The following MYCT1 variants were observed in gnomAD, a reference collection of about 807,000 sequenced individuals.
MYCT1 encodes myc target protein 1.
Under a neutral mutation model 15.0 loss-of-function variants are expected in MYCT1, and 12 were observed. The ratio of observed to expected loss-of-function variants is 0.80; its 90% CI spans 0.51 to 1.29. The LOEUF (loss-of-function observed/expected upper bound fraction) is 1.29, where lower values mean the gene tolerates loss of function less well. MYCT1 is among the 50% of genes most tolerant of loss of function. The pLI is 0.00. For synonymous variants in MYCT1, 104 were observed against 102.7 expected, an observed-to-expected ratio of 1.01 and a Z score of -0.07; for missense variants, 287 against 279.1, an observed-to-expected ratio of 1.03 and a Z score of -0.20.
chr6:152,715,163 G>T (rs1318713199), intron 1 of MYCT1, among the ~76,000 whole-genome samples: 1 of 152,058 alleles, frequency 6.6e-6, no homozygotes, highest in Non-Finnish European at 1.5e-5. Context: ...CCTGGAATTT[G>T]CTCCTTTGAT....
At position 152,722,663 on chromosome 6, in the gene MYCT1, ATCT is replaced by A. The variant is rs1439802014; in HGVS notation, c.*414_*416del. On this transcript the variant is annotated 3_prime_UTR_variant, in exon 2 of 2. Transcript: ENST00000367245. Reference sequence around the variant, plus strand: ...AATCACTGTGTCACTTTAAAGAAAAATCTTCTAAGGGATTTGGATTTTACTTTC... The same window carrying A: ...AATCACTGTGTCACTTTAAAGAAAAATCTAAGGGATTTGGATTTTACTTTC... The A allele has an allele frequency of 3.8e-6, 1 of 260,118 alleles. No homozygotes were observed. The highest frequency in any genetic ancestry group is 7.9e-6 in the Non-Finnish European group (1 of 127,294). 16.1% of individuals were successfully genotyped at this position (260,118 alleles called of 1,614,324 possible).
At chr6:152,736,515 T>C in the MYCT1 span, among the ~76,000 whole-genome samples, 1 of 152,102 alleles carries the variant, frequency 6.6e-6, no homozygotes, top group Admixed American at 6.6e-5. Flanking sequence ...CCAAAGGGAA[T>C]CGATAAATTT....
At chr6:152,726,991 T>C (rs1306631461), downstream of MYCT1, among the ~76,000 whole-genome samples, 1 of 151,960 alleles carries the variant, frequency 6.6e-6, no homozygotes, top group African/African-American at 2.4e-5. Context: ...CCCAGCACTT[T>C]GGGAGGGCTG....
At chr6:152,737,159 G>T in the MYCT1 span, among the ~76,000 whole-genome samples, 1 of 152,018 alleles carries the variant, frequency 6.6e-6, no homozygotes, top group Non-Finnish European at 1.5e-5. Flanking sequence ...AATATACTAA[G>T]ATAAATTGCT....
chr6:152,713,970 T>C (rs2099723181), intron 1 of MYCT1, among the ~76,000 whole-genome samples: 1 of 152,144 alleles, frequency 6.6e-6, no homozygotes, highest in Non-Finnish European at 1.5e-5. Context: ...CTACAAGCAT[T>C]TGGTCATTCT....
the MYCT1 span, among the ~76,000 whole-genome samples, chr6:152,745,030 AC>A: frequency 6.6e-6 from 1 of 152,120 alleles, no homozygotes; most frequent in South Asian, 2.1e-4. Context: ...CAACTGAAGA[AC>A]AAAGAGAGGG....
chr6:152,713,299 G>C (rs572864866), intron 1 of MYCT1, among the ~76,000 whole-genome samples: 2 of 151,832 alleles, frequency 1.3e-5, no homozygotes, highest in South Asian at 4.2e-4. Context: ...TTTATTCATT[G>C]TGAGTGTTTT....
intron 1 of MYCT1, among the ~76,000 whole-genome samples, chr6:152,700,627 A>T (rs573257792): frequency 6.6e-6 from 1 of 152,026 alleles, no homozygotes; most frequent in East Asian, 1.9e-4. Flanking sequence ...TCCACTCCCT[A>T]TTTTTGCTTT....
At chr6:152,740,754 CT>C in the MYCT1 span, among the ~76,000 whole-genome samples, 1 of 152,002 alleles carries the variant, frequency 6.6e-6, no homozygotes, top group African/African-American at 2.4e-5. Flanking sequence ...ATATTTTTTA[CT>C]TTTGAAAAAC....
At chr6:152,707,613 G>GT (rs145591621) in intron 1 of MYCT1, among the ~76,000 whole-genome samples, 2 of 151,738 alleles carry the variant, frequency 1.3e-5, no homozygotes, top group African/African-American at 2.4e-5. Context: ...TCCTCTAGTA[G>GT]TTTTTTGGGT....
chr6:152,700,644 C>T (rs745552754), intron 1 of MYCT1, among the ~76,000 whole-genome samples: 3 of 152,104 alleles, frequency 2.0e-5, no homozygotes, highest in Non-Finnish European at 2.9e-5. Flanking sequence ...CTTTCTTTAA[C>T]GCACTTCCTT....
At chr6:152,739,171 G>A in the MYCT1 span, among the ~76,000 whole-genome samples, 23 of 151,036 alleles carry the variant, frequency 1.5e-4, no homozygotes, top group African/African-American at 2.9e-4. Flanking sequence ...TGGTTTCTTC[G>A]TTGCCAAATA....
chr6:152,717,885 C>T (rs954854026), intron 1 of MYCT1, among the ~76,000 whole-genome samples: 14 of 151,906 alleles, frequency 9.2e-5, no homozygotes, highest in East Asian at 3.9e-4. Context: ...GTATAATTTC[C>T]GTTGCACCCC....
At chr6:152,708,458 C>T (rs2129069242) in intron 1 of MYCT1, among the ~76,000 whole-genome samples, 1 of 151,966 alleles carries the variant, frequency 6.6e-6, no homozygotes, top group Admixed American at 6.6e-5. Context: ...GTGGGAGGGT[C>T]ATTTGAGCCC....
chr6:152,706,411 T>A (rs992370802), intron 1 of MYCT1, among the ~76,000 whole-genome samples: 1 of 152,330 alleles, frequency 6.6e-6, no homozygotes, highest in Middle Eastern at 3.4e-3. Flanking sequence ...TACAATGTAC[T>A]GCTTTCAACT....
chr6:152,743,611 A>C, the MYCT1 span, among the ~76,000 whole-genome samples: 124,038 of 152,112 alleles, frequency 0.82, 50,650 homozygotes, highest in East Asian at 0.93. Flanking sequence ...ACCATGCCCC[A>C]CTCCCCACTC....
At position 152,721,838 on chromosome 6, in the gene MYCT1, G is replaced by C. The variant is rs140600605; in HGVS notation, c.293G>C (p.Arg98Thr). 1.9e-4 allele frequency: 311 copies of C among 1,613,948 alleles called. No homozygotes were observed. Among genetic ancestry groups the C allele is most frequent in the Non-Finnish European group, 2.5e-4 (300 of 1,180,012 alleles). ...AVFICLSRRR[R>T]ASAPISQWSS... ...TTCATTTGTCTGTCTCGAAGAAGAA[G>C]AGCCAGTGCTCCCATCTCACAGTGG... The change falls in exon 2 of 2, where the codon AGA becomes ACA. Residue 98 changes from arginine (R) to threonine (T), a missense_variant. Transcript: ENST00000367245.
At chr6:152,741,988 T>A in the MYCT1 span, among the ~76,000 whole-genome samples, 1 of 152,206 alleles carries the variant, frequency 6.6e-6, no homozygotes, top group Non-Finnish European at 1.5e-5. Flanking sequence ...AAAAGTTTTT[T>A]AAAAAGACTT....
intron 1 of MYCT1, 134 bp from the exon 2 acceptor site, chr6:152,721,608 T>C: frequency 1.3e-6 from 1 of 794,666 alleles, no homozygotes; most frequent in Non-Finnish European, 2.0e-6. Flanking sequence ...CCTAACACTG[T>C]CTTCTATTTC....
Sources: allele counts gnomAD v4.1 joint callset (sites outside exome capture counted in the v4.1 genomes callset), GRCh38; gene constraint gnomAD v4.1.1; transcripts MANE v1.5; gene names NCBI Gene and HGNC (gene_info 2026-07-23, HGNC 2026-07-21).